HROB: variants seen among roughly 807,000 people sequenced by gnomAD.
HROB encodes the protein homologous recombination OB-fold protein.
Under a neutral mutation model 61.0 loss-of-function variants are expected in HROB, and 44 were observed. That is an observed-to-expected ratio of 0.72 (90% CI 0.57 to 0.93). The LOEUF (loss-of-function observed/expected upper bound fraction) is 0.93, where lower values mean the gene tolerates loss of function less well. HROB is among the 40% of genes least tolerant of loss of function. HROB has a pLI of 0.00. For synonymous variants in HROB, 301 were observed against 310.4 expected (o/e 0.97, Z 0.32); for missense variants, 716 against 796.2 (o/e 0.90, Z 1.21).
At chr17:44,142,942 TG>T (rs1358962516) in intron 1 of HROB, among the ~76,000 whole-genome samples, 2 of 151,952 alleles carry the variant, frequency 1.3e-5, no homozygotes, top group African/African-American at 4.8e-5. Context: ...TGTTTTTGTT[TG>T]TTTGTTTTTT....
rs2143914086 is a variant in HROB at position 44,148,624 on chromosome 17, C to G, written c.821C>G (p.Pro274Arg). The G allele has an allele frequency of 6.2e-7, 1 of 1,613,684 alleles. No homozygotes were observed. The highest frequency in any genetic ancestry group is 2.2e-5 in the East Asian group (1 of 44,892). The change falls in exon 3 of 10, where the codon CCT (proline) becomes CGT (arginine). Residue 274 changes from proline to arginine, a missense_variant. Physicochemically the swap from Pro to Arg is moderately radical, Grantham distance 103. Coordinates refer to ENST00000585683, the MANE Select transcript of HROB (RefSeq NM_001171251.3). The stretch of plus-strand genomic sequence containing the variant: ...TGGGAAGTCTGTCCGCAACGCTCCC[C>G]TGTTCAAGCACTTCAGCCTCTCCAA... The part of the protein sequence containing the change: ...LHWEVCPQRS[P>R]VQALQPLQAA...
In HROB at chr17:44,161,958, CCATGAG is replaced by C. The variant is rs748274045; in HGVS notation, c.*29_*34del. ...GACTGCCCCAACGCAGGACAACCCACCATGAGCAGGCAGCTCTGGGCATGTGTCTGG... is the reference window on the plus strand; with the variant it reads ...GACTGCCCCAACGCAGGACAACCCACCAGGCAGCTCTGGGCATGTGTCTGG... On this transcript the variant is annotated 3_prime_UTR_variant, in exon 10 of 10. Coordinates refer to ENST00000585683, the MANE Select transcript of HROB (RefSeq NM_001171251.3). 6 of 1,608,164 alleles carry C rather than the reference CCATGAG, an allele frequency of 3.7e-6. No homozygotes were observed. The African/African-American group carries it at 8.0e-5, about 21-fold the overall frequency.
chr17:44,153,373 T>C (rs1205649732), intron 5 of HROB, among the ~76,000 whole-genome samples: 1 of 151,828 alleles, frequency 6.6e-6, no homozygotes, highest in Non-Finnish European at 1.5e-5. Flanking sequence ...GAGGATCACT[T>C]GATCTTAGGA....
intron 5 of HROB, among the ~76,000 whole-genome samples, chr17:44,153,930 T>C (rs1196880284): frequency 6.6e-6 from 1 of 151,276 alleles, no homozygotes; most frequent in African/African-American, 2.4e-5. Context: ...CGCCTGTAAG[T>C]CCAGCTACTC....
intron 4 of HROB, 149 bp from the exon 5 acceptor site, chr17:44,152,486 GAT>G (rs1356622704): frequency 1.4e-6 from 1 of 717,428 alleles, no homozygotes; most frequent in Non-Finnish European, 2.1e-6. Flanking sequence ...TGGCCTTGGA[GAT>G]AAATGAGAGG....
rs530076035 is a variant in HROB, at chr17:44,146,656, G to C, written c.55-1202G>C. Reference sequence around the variant, plus strand: ...GGAGAAAAAAGACCATCAACCTCCAGAGTCATCAGGATTTTATTACTGCTA... The same window carrying C: ...GGAGAAAAAAGACCATCAACCTCCACAGTCATCAGGATTTTATTACTGCTA... On this transcript the variant is annotated intron_variant, in intron 2 of 9. Coordinates refer to ENST00000585683, the MANE Select transcript of HROB (RefSeq NM_001171251.3). 7.2e-5 allele frequency among the ~76,000 whole-genome samples: 11 copies of C among 152,248 alleles called. No individual in the cohort carries two copies. The South Asian group carries it at 2.3e-3, about 32-fold the overall frequency.
intron 9 of HROB, among the ~76,000 whole-genome samples, chr17:44,161,377 G>C (rs1471442407): frequency 6.6e-6 from 1 of 152,054 alleles, no homozygotes; most frequent in Non-Finnish European, 1.5e-5. Flanking sequence ...CCAAGTTCTC[G>C]GACATAAGTA....
At chr17:44,154,414 C>A (rs1474877121) in intron 5 of HROB, 142 bp from the exon 6 acceptor site, 2 of 703,294 alleles carry the variant, frequency 2.8e-6, no homozygotes, top group African/African-American at 3.5e-5. Context: ...AGATGGGGTA[C>A]CTCCTTGTCC....
chr17:44,151,113 A>T lies in HROB; in HGVS notation c.1308+69A>T, dbSNP rs1567717635. ...GAGGGGCGTCCCTGTGTGTTTCAGG[A>T]GTTAAGAATCAAGAGCTGATGCTGC... is the stretch of plus-strand genomic sequence containing the variant. On this transcript the variant is annotated intron_variant, in intron 4 of 9. Coordinates refer to ENST00000585683, the MANE Select transcript of HROB (RefSeq NM_001171251.3). 3 of 1,461,242 alleles carry T rather than the reference A, an allele frequency of 2.1e-6. No homozygotes were observed. The African/African-American group carries it at 4.2e-5, about 20-fold the overall frequency. The allele number at this position is 1,461,242 out of a possible 1,614,324, so 90.5% of individuals were successfully genotyped here.
rs1316104387 is a variant in HROB, at chr17:44,157,941, G to A, written c.1879G>A (p.Asp627Asn). The change falls in exon 9 of 10, where the codon GAT becomes AAT. Residue 627 changes from aspartate to asparagine, a missense_variant and splice_region_variant. Asp to Asn is a conservative substitution (Grantham distance 23, BLOSUM62 1). Coordinates refer to ENST00000585683, the MANE Select transcript of HROB (RefSeq NM_001171251.3). ...CCCTGAGGAAGAACTCCCAGAAGCA[G>A]GTAAAGCAGTCAGCCCATCTGGGAG... ...ASPEEELPEADDLDGLLSELP... is the reference protein window; with the variant it reads ...ASPEEELPEANDLDGLLSELP... 1 of 1,610,826 alleles carries A rather than the reference G, an allele frequency of 6.2e-7. No homozygotes were observed. Among genetic ancestry groups the A allele is most frequent in the African/African-American group, 1.3e-5 (1 of 74,852 alleles).
chr17:44,147,586 C>T (rs2053649674), intron 2 of HROB, among the ~76,000 whole-genome samples: 2 of 151,822 alleles, frequency 1.3e-5, no homozygotes, highest in South Asian at 4.2e-4. Context: ...TACAGGTGTG[C>T]ACCCCCATGC....
At chr17:44,142,275 C>T in intron 1 of HROB, 130 bp downstream of exon 1, 1 of 1,195,986 alleles carries the variant, frequency 8.4e-7, no homozygotes, top group Non-Finnish European at 1.1e-6. Context: ...TCGGCGGAGT[C>T]GGGAGACCTG....
At chr17:44,145,164 T>G (rs2053574797) in intron 1 of HROB, 39 bp from the exon 2 acceptor site, 1 of 1,610,258 alleles carries the variant, frequency 6.2e-7, no homozygotes, top group African/African-American at 1.3e-5. Flanking sequence ...TGCTTGCAAA[T>G]GGTATTTCTC....
At chr17:44,145,622 G>T (rs1434025215) in intron 2 of HROB, among the ~76,000 whole-genome samples, 3 of 152,222 alleles carry the variant, frequency 2.0e-5, no homozygotes, top group African/African-American at 7.2e-5. Context: ...GAGGCCAGGG[G>T]TCAGCAATTG....
rs1253930296 is a variant in HROB at position 44,162,048 on chromosome 17, C to T, written c.*116C>T. On this transcript the variant is annotated 3_prime_UTR_variant, in exon 10 of 10. Coordinates refer to ENST00000585683, the MANE Select transcript of HROB (RefSeq NM_001171251.3). ...TTGGAGAGTGGACACAGCCGGGGGG[C>T]TTCTGTGGTTGCTCCCACCCTGGGT... The T allele has an allele frequency of 8.2e-7, 1 of 1,213,664 alleles. No individual in the cohort carries two copies. Among genetic ancestry groups the T allele is most frequent in the African/African-American group, 1.5e-5 (1 of 65,674 alleles). The allele number at this position is 1,213,664 out of a possible 1,614,324, so 75.2% of individuals were successfully genotyped here. A position where few individuals can be genotyped will look rare whatever the true frequency, so the allele number is the denominator to read the frequency against.
chr17:44,152,806 G>A (rs200936356), intron 5 of HROB, 29 bp downstream of exon 5: 38 of 1,604,790 alleles, frequency 2.4e-5, no homozygotes, highest in Admixed American at 1.0e-4. Context: ...GAGACCCAAA[G>A]GAAAGACCAT....
At position 44,148,575 on chromosome 17, in the gene HROB, A is replaced by C. The variant is rs2053691334; in HGVS notation, c.772A>C (p.Thr258Pro). The C allele has an allele frequency of 1.2e-6, 2 of 1,613,794 alleles. No individual in the cohort carries two copies. The highest frequency in any genetic ancestry group is 2.2e-5 in the South Asian group (2 of 91,076). ...TCACCTTCCTGTTCCAACTGCCTTA[A>C]CAGTTCCCACTCAGCAACTCCACTG... ...VGHLPVPTAL[T>P]VPTQQLHWEV... Residue 258 changes from threonine to proline, a missense_variant, in exon 3 of 10, where the codon ACA becomes CCA. By Grantham distance (38) the Thr-to-Pro change is conservative (BLOSUM62 -1). Coordinates refer to ENST00000585683, the MANE Select transcript of HROB (RefSeq NM_001171251.3).
chr17:44,143,659 AAAAG>A (rs1459250396), intron 1 of HROB, among the ~76,000 whole-genome samples: 19 of 151,988 alleles, frequency 1.3e-4, no homozygotes, highest in African/African-American at 3.9e-4. Context: ...GAAAAAAAAA[AAAAG>A]AAAATTAGCT....
intron 9 of HROB, 50 bp from the exon 10 acceptor site, chr17:44,161,821 T>C: frequency 6.3e-7 from 1 of 1,587,480 alleles, no homozygotes; most frequent in African/African-American, 1.3e-5. Context: ...CTGAGTCACA[T>C]GGAATGCTGA....
Sources: allele counts gnomAD v4.1 joint callset (sites outside exome capture counted in the v4.1 genomes callset), GRCh38; gene constraint gnomAD v4.1.1; transcripts MANE v1.5; gene names NCBI Gene and HGNC (gene_info 2026-07-23, HGNC 2026-07-21).